Variants in ENTHD1 observed in about 807,000 individuals in gnomAD.
The protein encoded by ENTHD1 is ENTH domain-containing protein 1.
In ENTHD1, 23 loss-of-function variants were observed where a neutral mutation model predicts 39.1. The observed-to-expected ratio is 0.59, with a 90% CI of 0.42 to 0.83. The LOEUF (loss-of-function observed/expected upper bound fraction) is 0.83, where lower values mean the gene tolerates loss of function less well. ENTHD1 is among the 40% of genes least tolerant of loss of function. ENTHD1 has a pLI of 0.00. For missense variants in ENTHD1, 624 were observed against 705.4 expected, an observed-to-expected ratio of 0.88 and a Z score of 1.31; for synonymous variants, 230 against 258.2, an observed-to-expected ratio of 0.89 and a Z score of 1.05.
chr22:39,774,326 C>A (rs1316361654), intron 5 of ENTHD1, among the ~76,000 whole-genome samples: 2 of 152,116 alleles, frequency 1.3e-5, no homozygotes, highest in African/African-American at 4.8e-5. Context: ...ATTATACTTA[C>A]ACTAGATCTA....
chr22:39,748,151 A>G (rs1430935893), intron 6 of ENTHD1, among the ~76,000 whole-genome samples: 1 of 151,868 alleles, frequency 6.6e-6, no homozygotes, highest in East Asian at 1.9e-4. Context: ...TGGGAGACTA[A>G]AGTGGGAGGA....
chr22:39,831,269 C>T (rs142064136), intron 4 of ENTHD1, among the ~76,000 whole-genome samples: 5 of 152,246 alleles, frequency 3.3e-5, no homozygotes, highest in African/African-American at 7.2e-5. Flanking sequence ...ATCCTTTGGT[C>T]TAGGGACCAG....
chr22:39,751,988 G>C (rs2084794451), intron 6 of ENTHD1, among the ~76,000 whole-genome samples: 1 of 151,966 alleles, frequency 6.6e-6, no homozygotes, highest in Non-Finnish European at 1.5e-5. Flanking sequence ...GTTTGTGGCA[G>C]AATTATTTGT....
At chr22:39,775,124 A>G (rs144212656) in intron 5 of ENTHD1, among the ~76,000 whole-genome samples, 1 of 152,330 alleles carries the variant, frequency 6.6e-6, no homozygotes, top group Non-Finnish European at 1.5e-5. Context: ...TCATTATTTC[A>G]AATATTATTC....
intron 3 of ENTHD1, among the ~76,000 whole-genome samples, chr22:39,836,207 T>C (rs1369939080): frequency 2.0e-5 from 3 of 152,186 alleles, no homozygotes; most frequent in Non-Finnish European, 2.9e-5. Flanking sequence ...TTCTTTATAT[T>C]TGACAAATAT....
intron 4 of ENTHD1, among the ~76,000 whole-genome samples, chr22:39,825,924 G>T (rs1200752859): frequency 6.6e-6 from 1 of 152,184 alleles, no homozygotes; most frequent in Non-Finnish European, 1.5e-5. Context: ...AGCCCAGGCT[G>T]GAGTGCAGTG....
At chr22:39,774,094 C>T (rs2065348886) in intron 5 of ENTHD1, among the ~76,000 whole-genome samples, 1 of 152,162 alleles carries the variant, frequency 6.6e-6, no homozygotes. Context: ...GACGTCTTGA[C>T]AGACAGGATT....
chr22:39,844,676 A>T (rs1199208615), intron 3 of ENTHD1, among the ~76,000 whole-genome samples: 1 of 152,220 alleles, frequency 6.6e-6, no homozygotes, highest in Admixed American at 6.5e-5. Context: ...AAGATCTAGG[A>T]CATCCCTTCT....
intron 6 of ENTHD1, among the ~76,000 whole-genome samples, chr22:39,745,884 A>G (rs758394992): frequency 3.9e-5 from 6 of 152,212 alleles, no homozygotes; most frequent in Non-Finnish European, 8.8e-5. Flanking sequence ...ATTGCTGTGC[A>G]GGGGTTGGAG....
At chr22:39,863,629 T>A (rs2066161571) in intron 2 of ENTHD1, among the ~76,000 whole-genome samples, 1 of 152,242 alleles carries the variant, frequency 6.6e-6, no homozygotes, top group Admixed American at 6.5e-5. Flanking sequence ...CTTACCTTTC[T>A]CCATCTTGGG....
At chr22:39,857,343 T>C (rs948265188) in intron 3 of ENTHD1, among the ~76,000 whole-genome samples, 1 of 148,130 alleles carries the variant, frequency 6.8e-6, no homozygotes, top group Non-Finnish European at 1.5e-5. Context: ...TCTGGAAGGC[T>C]GAGGCAGGAG....
intron 2 of ENTHD1, among the ~76,000 whole-genome samples, chr22:39,872,257 A>G (rs1341300123): frequency 1.3e-5 from 2 of 152,232 alleles, no homozygotes; most frequent in Non-Finnish European, 2.9e-5. Flanking sequence ...TATAGCCTTG[A>G]CATGGCTAAT....
intron 6 of ENTHD1, among the ~76,000 whole-genome samples, chr22:39,744,694 A>AT (rs1569120726): frequency 6.6e-6 from 1 of 151,954 alleles, no homozygotes; most frequent in African/African-American, 2.4e-5. Flanking sequence ...CAACTTTTTA[A>AT]TTTTTTTTCC....
At chr22:39,783,179 T>C (rs2146588660) in intron 5 of ENTHD1, among the ~76,000 whole-genome samples, 1 of 152,028 alleles carries the variant, frequency 6.6e-6, no homozygotes, top group East Asian at 1.9e-4. Flanking sequence ...CCATTTACAA[T>C]AGCTACAAGA....
chr22:39,748,840 GC>G (rs1268584877), intron 6 of ENTHD1, among the ~76,000 whole-genome samples: 1 of 152,116 alleles, frequency 6.6e-6, no homozygotes, highest in African/African-American at 2.4e-5. Context: ...GACTGCAGTA[GC>G]ATCACCTGGG....
Position 39,765,416 on chromosome 22 carries a change from A to T in ENTHD1, c.1026T>A (p.Phe342Leu). ...LPACWSSKEEFISPDLRVSKS... is the reference protein window; with the variant it reads ...LPACWSSKEELISPDLRVSKS... ...TTGATACCCTTAAGTCGGGGCTGATAAACTCCTCTTTACTTGACCAACATG... is the reference window on the plus strand; with the variant it reads ...TTGATACCCTTAAGTCGGGGCTGATTAACTCCTCTTTACTTGACCAACATG... The change falls in exon 6 of 7, where the codon TTT becomes TTA. Residue 342 changes from phenylalanine (F) to leucine (L), a missense_variant. By Grantham distance (22) the Phe-to-Leu change is conservative (BLOSUM62 0). Transcript: ENST00000325157. The T allele has an allele frequency of 6.2e-7, 1 of 1,614,030 alleles. No individual in the cohort carries two copies. The highest frequency in any genetic ancestry group is 2.2e-5 in the East Asian group (1 of 44,870).
At chr22:39,842,336 C>T (rs1477648861) in intron 3 of ENTHD1, among the ~76,000 whole-genome samples, 4 of 151,958 alleles carry the variant, frequency 2.6e-5, no homozygotes, top group Admixed American at 6.6e-5. Flanking sequence ...GAGTGTTTTC[C>T]AACTTGGTTC....
rs766953819 is a variant in ENTHD1 at position 39,887,389 on chromosome 22, T to C, written c.349+11A>G. On this transcript the variant is annotated intron_variant, in intron 2 of 6. Transcript: ENST00000325157. Reference sequence around the variant, plus strand: ...CCACACCCAGCTTATATAAACTTCTTTAACCATTACCTTGGTCTTTTCCAG... The same window carrying C: ...CCACACCCAGCTTATATAAACTTCTCTAACCATTACCTTGGTCTTTTCCAG... The C allele has an allele frequency of 6.3e-7, 1 of 1,587,432 alleles. No individual in the cohort carries two copies. The highest frequency in any genetic ancestry group is 1.2e-5 in the South Asian group (1 of 85,514).
intron 2 of ENTHD1, among the ~76,000 whole-genome samples, chr22:39,874,046 A>C (rs917931751): frequency 3.9e-5 from 6 of 152,204 alleles, no homozygotes; most frequent in African/African-American, 1.4e-4. Context: ...TCTTATGTGG[A>C]TGGTGGCAGG....
Sources: gnomAD v4.1 joint callset for allele counts (sites outside exome capture counted in the v4.1 genomes callset) on GRCh38, gnomAD v4.1.1 for gene constraint, MANE v1.5 for transcripts, NCBI Gene and HGNC (gene_info 2026-07-23, HGNC 2026-07-21) for gene names.